The following PTPRF variants were observed in gnomAD, a reference collection of about 807,000 sequenced individuals.
PTPRF encodes the protein protein tyrosine phosphatase receptor type F.
PTPRF carries 59 observed loss-of-function variants against 201.8 expected under a neutral mutation model. That is an observed-to-expected ratio of 0.29 (90% CI 0.24 to 0.36). The LOEUF (loss-of-function observed/expected upper bound fraction) is 0.36, where lower values mean the gene tolerates loss of function less well. Ranked by LOEUF, PTPRF falls within the 10% of genes least tolerant of loss-of-function variation. The probability of loss-of-function intolerance (pLI) is 1.00; values close to 1 mark genes in which losing one functional copy is unlikely to be tolerated. For missense variants in PTPRF, 2,132 were observed against 2,690.5 expected (o/e 0.79, Z 4.59); for synonymous variants, 1,088 against 1,089.7 (o/e 1.00, Z 0.03).
chr1:43,525,883 C>G (rs1046972816), upstream of PTPRF, among the ~76,000 whole-genome samples: 23 of 148,680 alleles, frequency 1.5e-4, no homozygotes, highest in Non-Finnish European at 3.0e-4. Context: ...GGGGAGCGAG[C>G]AGGAGATGGA....
chr1:43,608,245 A>T (rs897511792), intron 21 of PTPRF, among the ~76,000 whole-genome samples: 4 of 152,190 alleles, frequency 2.6e-5, no homozygotes, highest in African/African-American at 9.6e-5. Flanking sequence ...CAGGGTCCCC[A>T]TGTCATTAGA....
chr1:43,573,124 T>A (rs1232796781), intron 6 of PTPRF, among the ~76,000 whole-genome samples: 3 of 152,164 alleles, frequency 2.0e-5, no homozygotes, highest in East Asian at 1.9e-4. Flanking sequence ...TTCTCTGTAG[T>A]GATGTGACAT....
At chr1:43,558,561 C>T (rs753858054) in intron 5 of PTPRF, among the ~76,000 whole-genome samples, 2 of 152,176 alleles carry the variant, frequency 1.3e-5, no homozygotes, top group Non-Finnish European at 2.9e-5. Flanking sequence ...GCGTGGGGCC[C>T]GCCGCCCAGC....
intron 11 of PTPRF, among the ~76,000 whole-genome samples, chr1:43,595,676 C>T (rs1374110011): frequency 1.3e-5 from 2 of 152,092 alleles, no homozygotes; most frequent in Non-Finnish European, 2.9e-5. Flanking sequence ...AGAGCTTAGC[C>T]TTGGACAGGG....
chr1:43,528,823 G>C (rs1643227296), upstream of PTPRF: 2 of 152,394 alleles, frequency 1.3e-5, no homozygotes, highest in South Asian at 4.1e-4. Context: ...GCTCACAGGA[G>C]CGGCCCAGAC....
chr1:43,557,028 G>T (rs1043160663), intron 5 of PTPRF, among the ~76,000 whole-genome samples: 2 of 152,234 alleles, frequency 1.3e-5, no homozygotes, highest in Admixed American at 1.3e-4. Context: ...GTGACCTGGG[G>T]GCAAGTATTT....
chr1:43,599,065 C>A, intron 13 of PTPRF, 152 bp downstream of exon 13: 1 of 837,712 alleles, frequency 1.2e-6, no homozygotes, highest in Non-Finnish European at 1.8e-6. Context: ...AGATGCTTTG[C>A]AGCATCAGGG....
intron 23 of PTPRF, among the ~76,000 whole-genome samples, chr1:43,615,313 G>A (rs1489211889): frequency 6.6e-6 from 1 of 152,138 alleles, no homozygotes; most frequent in Admixed American, 6.5e-5. Context: ...GCCTCCCATG[G>A]CCTCCACCCA....
rs535261026 is a variant in PTPRF at position 43,569,886 on chromosome 1, G to A, written c.568+108G>A. ...GGCCTGGGCACCTCCAGGGCTGAGC[G>A]GAGGGTACCTGGTGGGGTGGGCTGG... On this transcript the variant is annotated intron_variant, in intron 6 of 33. Coordinates refer to ENST00000359947, the MANE Select transcript of PTPRF (RefSeq NM_002840.5). 50 of 1,252,166 alleles carry A rather than the reference G, an allele frequency of 4.0e-5. No individual in the cohort carries two copies. The East Asian group carries it at 9.4e-4, about 24-fold the overall frequency. The allele number at this position is 1,252,166 out of a possible 1,614,324, so 77.6% of individuals were successfully genotyped here. A position where few individuals can be genotyped will look rare whatever the true frequency, so the allele number is the denominator to read the frequency against.
rs1415117784 is a variant in PTPRF at position 43,617,345 on chromosome 1, G to A, written c.4072-100G>A. The A allele has an allele frequency of 7.9e-6, 12 of 1,526,468 alleles. No homozygotes were observed. The Admixed American group carries it at 1.7e-4, about 22-fold the overall frequency. 94.6% of individuals were successfully genotyped at this position (1,526,468 alleles called of 1,614,324 possible). A position where few individuals can be genotyped will look rare whatever the true frequency, so the allele number is the denominator to read the frequency against. ...CCTGGCTGTGGCCTGTGGAGTGAAG[G>A]CAGGATGTGAGCATCACCGGGAAGG... On this transcript the variant is annotated intron_variant, in intron 23 of 33. Transcript: ENST00000359947.
upstream of PTPRF, among the ~76,000 whole-genome samples, chr1:43,529,500 G>A (rs879802391): frequency 6.6e-6 from 1 of 152,188 alleles, no homozygotes; most frequent in Non-Finnish European, 1.5e-5. Context: ...CAAACTTACA[G>A]GGTTATCAGA....
intron 8 of PTPRF, among the ~76,000 whole-genome samples, chr1:43,589,694 CGA>C (rs1650117361): frequency 1.3e-5 from 1 of 78,042 alleles, no homozygotes; most frequent in Admixed American, 1.3e-4. Flanking sequence ...CCCATCTCTA[CGA>C]AAAAAAAAAA....
intron 6 of PTPRF, chr1:43,575,864 C>T (rs779578437): frequency 5.2e-6 from 7 of 1,343,836 alleles, no homozygotes; most frequent in South Asian, 1.2e-5. Flanking sequence ...TCCTTTTATA[C>T]TAATGCTTCT....
intron 5 of PTPRF, among the ~76,000 whole-genome samples, chr1:43,555,464 G>A (rs1363053606): frequency 2.9e-5 from 1 of 34,802 alleles, no homozygotes; most frequent in Non-Finnish European, 6.1e-5. Context: ...TTTTTTTTTT[G>A]AGACGGAGTC....
Position 43,574,876 on chromosome 1 carries a change from T to C in PTPRF, c.569-3934T>C, listed in dbSNP as rs143110468. The stretch of plus-strand genomic sequence containing the variant: ...ACTTCACTCACAAGCTGGTGTGACC[T>C]TGGGCTTTGAGTAATTCCCTGAATG... On this transcript the variant is annotated intron_variant, in intron 6 of 33. Coordinates refer to ENST00000359947, the MANE Select transcript of PTPRF (RefSeq NM_002840.5). Among the ~76,000 whole-genome samples, 462 of 152,380 alleles carry C rather than the reference T, an allele frequency of 3.0e-3. 18 individuals are homozygous for C. The East Asian group carries it at 0.061, about 20-fold the overall frequency.
upstream of PTPRF, among the ~76,000 whole-genome samples, chr1:43,525,883 C>T (rs1046972816): frequency 6.7e-6 from 1 of 148,680 alleles, no homozygotes; most frequent in African/African-American, 2.5e-5. Context: ...GGGGAGCGAG[C>T]AGGAGATGGA....
intron 6 of PTPRF, among the ~76,000 whole-genome samples, chr1:43,577,221 G>C (rs902574357): frequency 1.3e-5 from 2 of 152,150 alleles, no homozygotes; most frequent in Admixed American, 1.3e-4. Flanking sequence ...GGTGACCTTA[G>C]GGCAGCCTCG....
At chr1:43,621,382 C>T in intron 33 of PTPRF, 150 bp downstream of exon 33, 1 of 1,127,976 alleles carries the variant, frequency 8.9e-7, no homozygotes, top group South Asian at 1.6e-5. Context: ...GTGGTGTGTG[C>T]TTATGGTCCT....
intron 7 of PTPRF, chr1:43,579,283 T>G (rs1413403219): frequency 4.1e-6 from 2 of 482,792 alleles, no homozygotes. Context: ...TATCTGTGTG[T>G]AAATGCATGC....
Sources: allele counts gnomAD v4.1 joint callset (sites outside exome capture counted in the v4.1 genomes callset), GRCh38; gene constraint gnomAD v4.1.1; transcripts MANE v1.5; gene names NCBI Gene and HGNC (gene_info 2026-07-23, HGNC 2026-07-21).